Variants in MAP1A observed in about 807,000 individuals in gnomAD.
MAP1A encodes microtubule associated protein 1A, also known as microtubule-associated protein 1A.
MAP1A carries 42 observed loss-of-function variants against 185.9 expected under a neutral mutation model. The observed-to-expected ratio is 0.23, with a 90% confidence interval of 0.18 to 0.29. The LOEUF (loss-of-function observed/expected upper bound fraction) is 0.29, where lower values mean the gene tolerates loss of function less well. Among genes scored for constraint, MAP1A ranks in the 10% least tolerant of loss-of-function variants. The probability of loss-of-function intolerance (pLI) is 1.00; values close to 1 mark genes in which losing one functional copy is unlikely to be tolerated. For synonymous variants in MAP1A, 1,229 were observed against 1,335.9 expected, an observed-to-expected ratio of 0.92 and a Z score of 1.74; for missense variants, 2,995 against 3,450.4, an observed-to-expected ratio of 0.87 and a Z score of 3.31.
rs1375858243 is a variant in MAP1A at position 43,525,675 on chromosome 15, T to C, written c.4202T>C (p.Val1401Ala). The C allele has an allele frequency of 6.2e-7, 1 of 1,613,934 alleles. No individual in the cohort carries two copies. The highest frequency in any genetic ancestry group is 1.3e-5 in the African/African-American group (1 of 74,954). ...GCTCTGCATGTAAAGAATGAGGCTG[T>C]GAAACAGCAGGATAAGGCTTTAGAA... is the stretch of plus-strand genomic sequence containing the variant. ...DEALHVKNEA[V>A]KQQDKALEQK... The change falls in exon 4 of 6, where the codon GTG (valine) becomes GCG (alanine). Residue 1401 changes from valine (V) to alanine (A), a missense_variant. Physicochemically the swap from Val to Ala is moderately conservative, Grantham distance 64. Coordinates refer to ENST00000300231, the MANE Select transcript of MAP1A (RefSeq NM_002373.6).
At position 43,520,881 on chromosome 15, in the gene MAP1A, T is replaced by C. The variant is rs2079316532; in HGVS notation, c.-291-91T>C. The C allele has an allele frequency of 5.1e-6, 7 of 1,379,430 alleles. No individual in the cohort carries two copies. The Admixed American group carries it at 8.2e-5, about 16-fold the overall frequency. The allele number at this position is 1,379,430 out of a possible 1,614,324, so 85.4% of individuals were successfully genotyped here. On this transcript the variant is annotated intron_variant, in intron 2 of 5. Transcript: ENST00000300231. The stretch of plus-strand genomic sequence containing the variant: ...CTGGAGGTGTTATGAGGGACATAAG[T>C]TGGGAGCATGTTCTTGAGGTACTGA...
Position 43,528,260 on chromosome 15 carries a change from G to A in MAP1A, c.6787G>A (p.Ala2263Thr). 6.2e-7 allele frequency: 1 copy of A among 1,614,018 alleles called. No individual in the cohort carries two copies. Among genetic ancestry groups the A allele is most frequent in the Non-Finnish European group, 8.5e-7 (1 of 1,180,040 alleles). Residue 2263 changes from alanine to threonine, a missense_variant, in exon 4 of 6, where the codon GCT becomes ACT. By Grantham distance (58) the Ala-to-Thr change is moderately conservative (BLOSUM62 0). This residue lies in a region of MAP1A where 2,728 missense variants were observed against 2,986.0 expected (regional missense o/e 0.91). Transcript: ENST00000300231. ...PALSEGSSSEATTPVISSVAE... is the reference protein window; with the variant it reads ...PALSEGSSSETTTPVISSVAE... ...CCTGTCTGAGGGCTCCTCCTCTGAG[G>A]CTACCACGCCTGTGATTTCAAGTGT...
upstream of MAP1A, among the ~76,000 whole-genome samples, chr15:43,516,320 G>C (rs2079297091): frequency 6.6e-6 from 1 of 152,162 alleles, no homozygotes; most frequent in Non-Finnish European, 1.5e-5. Context: ...TAGTGACTCA[G>C]CTCCTCCTCT....
At chr15:43,513,025 A>G (rs898455046), upstream of MAP1A, among the ~76,000 whole-genome samples, 1 of 152,178 alleles carries the variant, frequency 6.6e-6, no homozygotes, top group Non-Finnish European at 1.5e-5. Context: ...GGAAAGCTCT[A>G]CATGCTATTA....
rs776385494 is a variant in MAP1A at position 43,512,199 on chromosome 15, C to T, written c.248C>T (p.Ser83Phe). 1.2e-5 allele frequency: 19 copies of T among 1,544,908 alleles called. 1 individual carries two copies. In the South Asian group the frequency reaches 2.3e-4, roughly 18 times the overall value. ...TGTTTTTCTCCCACAGGGATTCTCT[C>T]CTGGAACATTGACCTGTCATCCTTT... The change falls in exon 2 of 7, where the codon TCC becomes TTC. Residue 83 changes from serine (S) to phenylalanine (F), a missense_variant. By Grantham distance (155) the Ser-to-Phe change is radical (BLOSUM62 -2). Coordinates refer to the MAP1A transcript ENST00000382031.
intron 1 of MAP1A, among the ~76,000 whole-genome samples, chr15:43,519,309 T>G (rs747375696): frequency 7.2e-5 from 11 of 152,260 alleles, no homozygotes; most frequent in Non-Finnish European, 1.5e-4. Flanking sequence ...TGGGGTTTGG[T>G]CTTCTGACAC....
chr15:43,528,108 C>T lies in MAP1A; in HGVS notation c.6635C>T (p.Thr2212Ile). 6.2e-7 allele frequency: 1 copy of T among 1,614,102 alleles called. No individual in the cohort carries two copies. The highest frequency in any genetic ancestry group is 1.1e-5 in the South Asian group (1 of 91,084). Residue 2212 changes from threonine to isoleucine, a missense_variant, in exon 4 of 6, where the codon ACC (threonine) becomes ATC (isoleucine). Thr to Ile is a moderately conservative substitution (Grantham distance 89, BLOSUM62 -1). Transcript: ENST00000300231. Reference sequence around the variant, plus strand: ...CTGGCTCCAGGACCCCCCACCAGAACCCGGCATGATGAATACCTGGAAGTG... The same window carrying T: ...CTGGCTCCAGGACCCCCCACCAGAATCCGGCATGATGAATACCTGGAAGTG... Reference protein sequence around the residue: ...LALAPGPPTRTRHDEYLEVTK... With the variant: ...LALAPGPPTRIRHDEYLEVTK...
At position 43,523,290 on chromosome 15, in the gene MAP1A, A is replaced by G; in HGVS notation, c.1817A>G (p.Lys606Arg). The change falls in exon 4 of 6, where the codon AAG becomes AGG. Residue 606 changes from lysine to arginine, a missense_variant. By Grantham distance (26) the Lys-to-Arg change is conservative (BLOSUM62 2). Around this residue, in one of 3 missense-constraint regions of MAP1A, gnomAD observed 2,728 missense variants for 2,986.0 expected, o/e 0.91. Coordinates refer to ENST00000300231, the MANE Select transcript of MAP1A (RefSeq NM_002373.6). ...GAGGTCCCTGAGGAACAAGGCAGCAAGGACAGAGGCCTAGACTCTGGGGCT... is the reference window on the plus strand; with the variant it reads ...GAGGTCCCTGAGGAACAAGGCAGCAGGGACAGAGGCCTAGACTCTGGGGCT... ...VPEVPEEQGS[K>R]DRGLDSGAET... 2 of 1,613,280 alleles carry G rather than the reference A, an allele frequency of 1.2e-6. No homozygotes were observed. The highest frequency in any genetic ancestry group is 1.7e-6 in the Non-Finnish European group (2 of 1,179,600).
At position 43,527,844 on chromosome 15, in the gene MAP1A, C is replaced by G. The variant is rs1230755316; in HGVS notation, c.6371C>G (p.Ser2124Cys). The G allele has an allele frequency of 1.9e-6, 3 of 1,613,964 alleles. No homozygotes were observed. In the Admixed American group the frequency reaches 5.0e-5, roughly 27 times the overall value. Reference sequence around the variant, plus strand: ...GAACAGCCAGAAAAAGAGGCCCAATCCCCAAGTCCTCCTCACCCCATTCCT... The same window carrying G: ...GAACAGCCAGAAAAAGAGGCCCAATGCCCAAGTCCTCCTCACCCCATTCCT... ...AREQPEKEAQ[S>C]PSPPHPIPMG... Residue 2124 changes from serine to cysteine, a missense_variant, in exon 4 of 6, where the codon TCC becomes TGC. Around this residue, in one of 3 missense-constraint regions of MAP1A, gnomAD observed 2,728 missense variants for 2,986.0 expected, o/e 0.91. Transcript: ENST00000300231.
Position 43,527,645 on chromosome 15 carries a change from A to ACCC in MAP1A, c.6174_6176dup (p.Pro2060dup). The stretch of plus-strand genomic sequence containing the variant: ...AGGGCCAAGTATGGAGCCCAGCCTC[A>ACCC]CCCCACCTGCAGTTCCCCCCCGTGC... On this transcript the variant is annotated inframe_insertion, in exon 4 of 6. Coordinates refer to ENST00000300231, the MANE Select transcript of MAP1A (RefSeq NM_002373.6). 6.2e-7 allele frequency: 1 copy of ACCC among 1,612,230 alleles called. No homozygotes were observed. Among genetic ancestry groups the ACCC allele is most frequent in the Non-Finnish European group, 8.5e-7 (1 of 1,179,460 alleles).
At chr15:43,513,287 A>G (rs1448064783), upstream of MAP1A, among the ~76,000 whole-genome samples, 1 of 151,928 alleles carries the variant, frequency 6.6e-6, no homozygotes, top group African/African-American at 2.4e-5. Flanking sequence ...AGATCGTGCC[A>G]TTGCACTCCA....
In MAP1A at chr15:43,531,505, C is replaced by T. The variant is rs2079371724; in HGVS notation, c.*1281C>T. On this transcript the variant is annotated 3_prime_UTR_variant, in exon 6 of 6. Coordinates refer to ENST00000300231, the MANE Select transcript of MAP1A (RefSeq NM_002373.6). ...CACCTTGTGTTCTTCCTAGCTCCAC[C>T]CTCCCCGTGCTGCTGTGTTCTGCTC... The T allele has an allele frequency of 6.5e-6, 1 of 152,766 alleles. No individual in the cohort carries two copies. The highest frequency in any genetic ancestry group is 1.5e-5 in the Non-Finnish European group (1 of 68,072). The allele number at this position is 152,766 out of a possible 1,614,324, so 9.5% of individuals were successfully genotyped here.
upstream of MAP1A, among the ~76,000 whole-genome samples, chr15:43,514,181 T>G (rs1249745365): frequency 6.6e-6 from 1 of 152,214 alleles, no homozygotes; most frequent in Non-Finnish European, 1.5e-5. Flanking sequence ...CTCAAGGAGC[T>G]TAGGGCCATG....
chr15:43,526,619 G>T lies in MAP1A; in HGVS notation c.5146G>T (p.Gly1716Trp). 6.2e-7 allele frequency: 1 copy of T among 1,614,144 alleles called. No homozygotes were observed. The highest frequency in any genetic ancestry group is 1.6e-4 in the Middle Eastern group (1 of 6,062). Residue 1716 changes from glycine to tryptophan, a missense_variant, in exon 4 of 6, where the codon GGG becomes TGG. By Grantham distance (184) the Gly-to-Trp change is radical. Around this residue, in one of 3 missense-constraint regions of MAP1A, gnomAD observed 2,728 missense variants for 2,986.0 expected, o/e 0.91. Transcript: ENST00000300231. The surrounding 1 kb of genome is among the most constrained non-coding windows in gnomAD (Gnocchi z 4.7). ...GTTCCCTCACGAGCTGGATGGCCAG[G>T]GGGCCCGCCCACACTACACTGAGGA... ...VWFPHELDGQ[G>W]ARPHYTEERE... is the part of the protein sequence containing the mutation.
At position 43,527,510 on chromosome 15, in the gene MAP1A, G is replaced by C; in HGVS notation, c.6037G>C (p.Ala2013Pro). The change falls in exon 4 of 6, where the codon GCA (alanine) becomes CCA (proline). Residue 2013 changes from alanine (A) to proline (P), a missense_variant. Ala to Pro is a conservative substitution (Grantham distance 27, BLOSUM62 -1). This residue lies in a region of MAP1A where 2,728 missense variants were observed against 2,986.0 expected (regional missense o/e 0.91). Coordinates refer to ENST00000300231, the MANE Select transcript of MAP1A (RefSeq NM_002373.6). The stretch of plus-strand genomic sequence containing the variant: ...GGCAGCTGCCGGCCGAAACACATCT[G>C]CAGAGAAGGAGCTTTCATCTCCTAT... ...KEAAAGRNTS[A>P]EKELSSPISP... The C allele has an allele frequency of 6.2e-7, 1 of 1,614,080 alleles. No homozygotes were observed.
chr15:43,527,413 C>T lies in MAP1A; in HGVS notation c.5940C>T (p.Gly1980=). ...IYEQMMLTGL[G]PACPTREPPL... ...AGCAGATGATGCTTACTGGGCTTGGCCCTGCATGCCCCACTAGAGAGCCTC... is the reference window on the plus strand; with the variant it reads ...AGCAGATGATGCTTACTGGGCTTGGTCCTGCATGCCCCACTAGAGAGCCTC... The change falls in exon 4 of 6, where the codon GGC becomes GGT. Residue 1980 remains glycine, a synonymous_variant. Coordinates refer to ENST00000300231, the MANE Select transcript of MAP1A (RefSeq NM_002373.6). 6.2e-7 allele frequency: 1 copy of T among 1,614,170 alleles called. No homozygotes were observed. The highest frequency in any genetic ancestry group is 8.5e-7 in the Non-Finnish European group (1 of 1,180,014).
chr15:43,521,845 G>A lies in MAP1A; in HGVS notation c.372G>A (p.Val124=). The A allele has an allele frequency of 6.8e-6, 11 of 1,614,208 alleles. No individual in the cohort carries two copies. Among genetic ancestry groups the A allele is most frequent in the Non-Finnish European group, 8.5e-6 (10 of 1,180,040 alleles). The change falls in exon 4 of 6, where the codon GTG becomes GTA. Residue 124 remains valine, a synonymous_variant. Transcript: ENST00000300231. This position sits in a 1 kb window ranked among gnomAD's most constrained non-coding sequence, Gnocchi z 4.6. ...GCTCTAGCAGTTACAGCGACTGGGT[G>A]AAGAACCTTATCTCTCCTGAGCTTG... is the stretch of plus-strand genomic sequence containing the variant. ...SQGSSSYSDW[V]KNLISPELGV...
Position 43,522,769 on chromosome 15 carries a change from G to A in MAP1A, c.1296G>A (p.Lys432=), listed in dbSNP as rs540202046. The A allele has an allele frequency of 1.9e-5, 30 of 1,569,682 alleles. 1 individual carries two copies. In the South Asian group the frequency reaches 3.1e-4, roughly 16 times the overall value. Residue 432 remains lysine, a synonymous_variant, in exon 4 of 6, where the codon AAG becomes AAA. Coordinates refer to ENST00000300231, the MANE Select transcript of MAP1A (RefSeq NM_002373.6). This position sits in a 1 kb window ranked among gnomAD's most constrained non-coding sequence, Gnocchi z 5.9. The part of the protein sequence containing the change: ...EIKKERKELK[K]DEGRKEEKKD... The stretch of plus-strand genomic sequence containing the variant: ...AAAAGGAGAGGAAAGAGCTCAAGAA[G>A]GATGAAGGAAGGAAGGAGGAGAAGA...
Position 43,527,773 on chromosome 15 carries a change from C to T in MAP1A, c.6300C>T (p.His2100=), listed in dbSNP as rs1277996341. 1 of 1,613,818 alleles carries T rather than the reference C, an allele frequency of 6.2e-7. No homozygotes were observed. The highest frequency in any genetic ancestry group is 8.5e-7 in the Non-Finnish European group (1 of 1,179,900). ...SPSPKESGRS[H]WDDSTSDSEL... ...CCCCCAAGGAATCAGGCCGGAGTCACTGGGATGACAGCACTAGTGACTCAG... is the reference window on the plus strand; with the variant it reads ...CCCCCAAGGAATCAGGCCGGAGTCATTGGGATGACAGCACTAGTGACTCAG... The change falls in exon 4 of 6, where the codon CAC becomes CAT. Residue 2100 remains histidine, a synonymous_variant. Coordinates refer to ENST00000300231, the MANE Select transcript of MAP1A (RefSeq NM_002373.6).
Sources: allele counts gnomAD v4.1 joint callset (sites outside exome capture counted in the v4.1 genomes callset), GRCh38; gene constraint gnomAD v4.1.1; regional missense constraint gnomAD v4.1.1; non-coding constraint Gnocchi (gnomAD v3.1); transcripts MANE v1.5; gene names NCBI Gene and HGNC (gene_info 2026-07-23, HGNC 2026-07-21).